Variants in SLC35F1 observed in about 807,000 individuals in gnomAD.
The protein encoded by SLC35F1 is solute carrier family 35 member F1, also known as chromosome 6 open reading frame 169.
A neutral mutation model predicts 48.7 loss-of-function variants in SLC35F1; 14 were observed. The observed-to-expected ratio is 0.29, with a 90% CI of 0.19 to 0.45. The LOEUF is 0.45. Ranked by LOEUF, SLC35F1 falls within the 20% of genes least tolerant of loss-of-function variation. The pLI, the probability that SLC35F1 is intolerant of heterozygous loss-of-function variation, is 1.00. For synonymous variants in SLC35F1, 190 were observed against 202.2 expected, an observed-to-expected ratio of 0.94 and a Z score of 0.51; for missense variants, 404 against 500.0, an observed-to-expected ratio of 0.81 and a Z score of 1.83.
At chr6:118,136,363 T>C (rs927116431) in intron 1 of SLC35F1, among the ~76,000 whole-genome samples, 2 of 152,236 alleles carry the variant, frequency 1.3e-5, no homozygotes, top group African/African-American at 4.8e-5. Context: ...GCTGAAACAC[T>C]TCACATAGGC....
At chr6:118,291,820 T>C (rs1776127176) in intron 7 of SLC35F1, among the ~76,000 whole-genome samples, 1 of 152,110 alleles carries the variant, frequency 6.6e-6, no homozygotes, top group Non-Finnish European at 1.5e-5. Context: ...CTGAAGAGTT[T>C]AAAAAATACT....
intron 2 of SLC35F1, among the ~76,000 whole-genome samples, chr6:118,211,986 A>T (rs963699319): frequency 2.6e-5 from 4 of 152,200 alleles, no homozygotes; most frequent in Admixed American, 2.6e-4. Context: ...GTTTTGAGCC[A>T]ATCAGCATTC....
At chr6:117,918,764 G>A (rs865851675) in intron 1 of SLC35F1, among the ~76,000 whole-genome samples, 10 of 152,094 alleles carry the variant, frequency 6.6e-5, no homozygotes, top group African/African-American at 2.4e-4. Flanking sequence ...TGCCCAAGAA[G>A]CCAGAACCAT....
At chr6:118,172,442 G>C (rs1216236192) in intron 2 of SLC35F1, among the ~76,000 whole-genome samples, 1 of 152,012 alleles carries the variant, frequency 6.6e-6, no homozygotes, top group Non-Finnish European at 1.5e-5. Context: ...AAAATGAAGT[G>C]AACTTAATAT....
At chr6:117,921,241 A>G (rs755034636) in intron 1 of SLC35F1, among the ~76,000 whole-genome samples, 13 of 152,202 alleles carry the variant, frequency 8.5e-5, no homozygotes, top group Admixed American at 3.3e-4. Context: ...TTTTGGAGTC[A>G]CACTGAATTG....
chr6:118,257,271 TGGA>T (rs1470918091), intron 3 of SLC35F1, among the ~76,000 whole-genome samples: 5 of 152,082 alleles, frequency 3.3e-5, no homozygotes, highest in African/African-American at 9.7e-5. Context: ...TACCACTTGG[TGGA>T]GTTGTGATGC....
chr6:117,985,701 T>C (rs1776839313), intron 1 of SLC35F1, among the ~76,000 whole-genome samples: 1 of 152,224 alleles, frequency 6.6e-6, no homozygotes, highest in Non-Finnish European at 1.5e-5. Flanking sequence ...CATTGACTCA[T>C]TTCTTTTTGA....
At chr6:118,067,609 C>G (rs571747966) in intron 1 of SLC35F1, among the ~76,000 whole-genome samples, 2 of 152,186 alleles carry the variant, frequency 1.3e-5, no homozygotes, top group African/African-American at 4.8e-5. Context: ...TTAATAGTCT[C>G]AAATGATGAT....
At chr6:118,088,067 T>C (rs898022548) in intron 1 of SLC35F1, among the ~76,000 whole-genome samples, 2 of 152,238 alleles carry the variant, frequency 1.3e-5, no homozygotes, top group Non-Finnish European at 2.9e-5. Flanking sequence ...ATCATTGATA[T>C]GGTTAATATA....
chr6:118,271,321 G>A (rs1476788648), intron 4 of SLC35F1, among the ~76,000 whole-genome samples: 1 of 152,136 alleles, frequency 6.6e-6, no homozygotes, highest in African/African-American at 2.4e-5. Flanking sequence ...TCTTTTTGCT[G>A]TAACACTTAG....
chr6:118,053,257 G>A (rs1443222673), intron 1 of SLC35F1, among the ~76,000 whole-genome samples: 1 of 152,032 alleles, frequency 6.6e-6, no homozygotes, highest in Admixed American at 6.6e-5. Context: ...CTGCTTCTTA[G>A]GCATAGTAAG....
At chr6:117,984,281 C>T (rs542787698) in intron 1 of SLC35F1, among the ~76,000 whole-genome samples, 3 of 152,088 alleles carry the variant, frequency 2.0e-5, no homozygotes, top group South Asian at 2.1e-4. Flanking sequence ...AATAAGCAGG[C>T]AGATCACGAG....
chr6:118,197,346 C>G (rs1032476458), intron 2 of SLC35F1, among the ~76,000 whole-genome samples: 4 of 151,916 alleles, frequency 2.6e-5, no homozygotes, highest in African/African-American at 9.7e-5. Flanking sequence ...ATCTGAGAAA[C>G]TAGTAACATT....
chr6:118,213,701 T>G (rs779057535), intron 2 of SLC35F1, among the ~76,000 whole-genome samples: 1 of 152,190 alleles, frequency 6.6e-6, no homozygotes, highest in Non-Finnish European at 1.5e-5. Flanking sequence ...AAAATCCAAG[T>G]TGCAAAATTA....
At chr6:118,237,840 T>G (rs1409114587) in intron 3 of SLC35F1, among the ~76,000 whole-genome samples, 1 of 152,230 alleles carries the variant, frequency 6.6e-6, no homozygotes, top group Admixed American at 6.5e-5. Context: ...TTCATAAAAT[T>G]GGTGAATTTA....
At chr6:118,166,834 C>T (rs1774325265) in intron 2 of SLC35F1, among the ~76,000 whole-genome samples, 1 of 152,180 alleles carries the variant, frequency 6.6e-6, no homozygotes, top group African/African-American at 2.4e-5. Context: ...TGTCTCTTAA[C>T]TGAAGGAGCC....
At chr6:118,293,116 T>G (rs555415422) in intron 7 of SLC35F1, among the ~76,000 whole-genome samples, 40 of 152,272 alleles carry the variant, frequency 2.6e-4, no homozygotes, top group African/African-American at 9.1e-4. Flanking sequence ...TCTATCATCT[T>G]ATAAGTATTG....
intron 1 of SLC35F1, among the ~76,000 whole-genome samples, chr6:118,029,664 T>A (rs1772011205): frequency 1.3e-5 from 2 of 152,182 alleles, no homozygotes; most frequent in South Asian, 4.1e-4. Context: ...ACATGGACAC[T>A]ATCTCTTAGC....
intron 1 of SLC35F1, among the ~76,000 whole-genome samples, chr6:117,961,729 A>G (rs909885608): frequency 3.3e-5 from 5 of 152,190 alleles, no homozygotes; most frequent in Non-Finnish European, 7.3e-5. Flanking sequence ...TACAAATGTA[A>G]TGTTTCCCAG....
Sources: allele counts gnomAD v4.1 joint callset (sites outside exome capture counted in the v4.1 genomes callset), GRCh38; gene constraint gnomAD v4.1.1; transcripts MANE v1.5; gene names NCBI Gene and HGNC (gene_info 2026-07-23, HGNC 2026-07-21).